The following ERBB4 variants were observed in gnomAD, a reference collection of about 807,000 sequenced individuals.
ERBB4 encodes receptor tyrosine-protein kinase erbB-4.
A neutral mutation model predicts 158.0 loss-of-function variants in ERBB4; 42 were observed. The ratio of observed to expected loss-of-function variants is 0.27; its 90% CI spans 0.21 to 0.34. The LOEUF is 0.34. Ranked by LOEUF, ERBB4 falls within the 10% of genes least tolerant of loss-of-function variation. ERBB4 has a pLI of 1.00. For missense variants in ERBB4, 1,333 were observed against 1,624.1 expected, an observed-to-expected ratio of 0.82 and a Z score of 3.08; for synonymous variants, 583 against 558.7, an observed-to-expected ratio of 1.04 and a Z score of -0.61.
intron 1 of ERBB4, among the ~76,000 whole-genome samples, chr2:212,171,660 A>C (rs2125673000): frequency 6.6e-6 from 1 of 152,222 alleles, no homozygotes; most frequent in South Asian, 2.1e-4. Flanking sequence ...GCTAGTTCTC[A>C]TGAGATATGA....
rs13385826 is a variant in ERBB4, at chr2:211,430,753, A to G, written c.2643+192T>C. On this transcript the variant is annotated intron_variant, in intron 21 of 27. Coordinates refer to ENST00000342788, the MANE Select transcript of ERBB4 (RefSeq NM_005235.3). Reference sequence around the variant, plus strand: ...AGCTGGTAATATATGGTATATATATATGTGTGTGTATATGATATATATATA... The same window carrying G: ...AGCTGGTAATATATGGTATATATATGTGTGTGTGTATATGATATATATATA... Among the ~76,000 whole-genome samples the G allele has an allele frequency of 0.043, 5,396 of 125,426 alleles. 316 individuals carry two copies. The highest frequency in any genetic ancestry group is 0.13 in the African/African-American group (5,120 of 37,968). The allele number at this position is 125,426 out of a possible 152,430, so 82.3% of individuals were successfully genotyped here.
intron 1 of ERBB4, among the ~76,000 whole-genome samples, chr2:212,409,824 T>C (rs2091447135): frequency 6.6e-6 from 1 of 152,088 alleles, no homozygotes; most frequent in South Asian, 2.1e-4. Context: ...GGTTCAGTTA[T>C]AACAAATGTG....
intron 16 of ERBB4, among the ~76,000 whole-genome samples, chr2:211,643,115 C>A (rs1444606398): frequency 1.3e-5 from 2 of 152,090 alleles, no homozygotes; most frequent in Non-Finnish European, 2.9e-5. Flanking sequence ...CTCCATTACC[C>A]CTAACACACT....
intron 20 of ERBB4, among the ~76,000 whole-genome samples, chr2:211,537,787 C>A (rs146576748): frequency 6.1e-4 from 92 of 151,968 alleles, no homozygotes; most frequent in African/African-American, 2.1e-3. Context: ...TTCATCAAAG[C>A]AGAAAAATCA....
At chr2:211,829,643 T>G (rs1009910917) in intron 3 of ERBB4, among the ~76,000 whole-genome samples, 1 of 152,168 alleles carries the variant, frequency 6.6e-6, no homozygotes, top group Non-Finnish European at 1.5e-5. Context: ...AAATTATTCA[T>G]GTAACATATA....
chr2:211,498,855 C>T (rs1437605102), intron 20 of ERBB4, among the ~76,000 whole-genome samples: 1 of 152,104 alleles, frequency 6.6e-6, no homozygotes, highest in Non-Finnish European at 1.5e-5. Flanking sequence ...GAAATATAAT[C>T]AGAAACCATT....
intron 1 of ERBB4, among the ~76,000 whole-genome samples, chr2:212,218,976 C>G (rs536937360): frequency 6.6e-6 from 1 of 151,122 alleles, no homozygotes; most frequent in Non-Finnish European, 1.5e-5. Flanking sequence ...ACCACTCAAA[C>G]GTAAATCTAC....
chr2:211,380,170 T>G lies in ERBB4; in HGVS notation c.*3445A>C. The G allele has an allele frequency of 4.3e-6, 1 of 232,168 alleles. No homozygotes were observed. The highest frequency in any genetic ancestry group is 8.5e-6 in the Non-Finnish European group (1 of 117,418). The allele number at this position is 232,168 out of a possible 1,614,324, so 14.4% of individuals were successfully genotyped here. ...TGTTTTTCATGCTATTTTAAGAATG[T>G]TACTGGAGAAAGGATTCTCATCCTA... On this transcript the variant is annotated 3_prime_UTR_variant, in exon 28 of 28. Transcript: ENST00000342788.
intron 1 of ERBB4, among the ~76,000 whole-genome samples, chr2:212,396,303 C>T (rs995670781): frequency 1.3e-5 from 2 of 152,090 alleles, no homozygotes. Context: ...TGATCCTCTA[C>T]AGTTACTTAA....
intron 15 of ERBB4, among the ~76,000 whole-genome samples, chr2:211,660,539 G>C (rs2071385247): frequency 6.9e-6 from 1 of 145,900 alleles, no homozygotes. Flanking sequence ...TATGTGTTAG[G>C]GGATGAGGAG....
At chr2:212,077,069 A>G (rs898811658) in intron 2 of ERBB4, among the ~76,000 whole-genome samples, 16 of 152,070 alleles carry the variant, frequency 1.1e-4, no homozygotes, top group Non-Finnish European at 2.1e-4. Context: ...TACATCAGAA[A>G]AAAGTAAAAC....
At chr2:212,496,522 C>T (rs983050425) in intron 1 of ERBB4, among the ~76,000 whole-genome samples, 2 of 152,182 alleles carry the variant, frequency 1.3e-5, no homozygotes, top group Non-Finnish European at 2.9e-5. Flanking sequence ...ACCCAAAATT[C>T]TGATGAACTA....
chr2:211,954,573 T>C (rs1315489529), intron 2 of ERBB4, among the ~76,000 whole-genome samples: 2 of 152,088 alleles, frequency 1.3e-5, no homozygotes. Context: ...AATATAATGC[T>C]GATTACTTAA....
intron 1 of ERBB4, among the ~76,000 whole-genome samples, chr2:212,343,945 T>C (rs765620675): frequency 6.6e-6 from 1 of 152,184 alleles, no homozygotes; most frequent in East Asian, 1.9e-4. Context: ...ATGATTCCAA[T>C]GCAATTTTTT....
chr2:211,830,200 C>G (rs1358279424), intron 3 of ERBB4, among the ~76,000 whole-genome samples: 2 of 152,170 alleles, frequency 1.3e-5, no homozygotes, highest in African/African-American at 4.8e-5. Flanking sequence ...CCTCTAATGC[C>G]ATGTTAAACA....
chr2:212,129,788 C>A (rs2080055446), intron 1 of ERBB4, among the ~76,000 whole-genome samples: 1 of 151,952 alleles, frequency 6.6e-6, no homozygotes, highest in South Asian at 2.1e-4. Flanking sequence ...CTCTATTTGC[C>A]AAACATTCTA....
intron 2 of ERBB4, among the ~76,000 whole-genome samples, chr2:211,993,168 T>C (rs1262121370): frequency 3.9e-5 from 6 of 152,200 alleles, no homozygotes; most frequent in Admixed American, 6.5e-5. Context: ...AATGTAACTG[T>C]ATACGGAGAT....
intron 25 of ERBB4, among the ~76,000 whole-genome samples, chr2:211,416,209 C>A (rs1323503665): frequency 6.6e-6 from 1 of 151,982 alleles, no homozygotes; most frequent in Non-Finnish European, 1.5e-5. Flanking sequence ...TATCTTCAGC[C>A]ACATCAGTTT....
chr2:212,017,465 T>C (rs1473636), intron 2 of ERBB4, among the ~76,000 whole-genome samples: 111,034 of 152,038 alleles, frequency 0.73, 45,179 homozygotes, highest in East Asian at 0.93. Context: ...CATAATGTAA[T>C]AAAACTTATT....
Sources: allele counts gnomAD v4.1 joint callset (sites outside exome capture counted in the v4.1 genomes callset), GRCh38; gene constraint gnomAD v4.1.1; transcripts MANE v1.5; gene names NCBI Gene and HGNC (gene_info 2026-07-23, HGNC 2026-07-21).